Variants in KCNMB2 observed in about 807,000 individuals in gnomAD.
The protein encoded by KCNMB2 is potassium calcium-activated channel subfamily M regulatory beta subunit 2, also known as calcium-activated potassium channel subunit beta-2.
KCNMB2 carries 9 observed loss-of-function variants against 24.5 expected under a neutral mutation model. That is an observed-to-expected ratio of 0.37 (90% confidence interval 0.22 to 0.64). The LOEUF (loss-of-function observed/expected upper bound fraction) is 0.64, where lower values mean the gene tolerates loss of function less well. KCNMB2 is among the 30% of genes least tolerant of loss of function. The pLI is 0.63. For missense variants in KCNMB2, 226 were observed against 284.3 expected (o/e 0.79, Z 1.47); for synonymous variants, 109 against 104.4 (o/e 1.04, Z -0.27).
intron 4 of KCNMB2, among the ~76,000 whole-genome samples, chr3:178,841,036 A>C (rs1715409073): frequency 6.6e-6 from 1 of 152,222 alleles, no homozygotes. Flanking sequence ...AATGCATGTA[A>C]CTGCACATTT....
intron 1 of KCNMB2, among the ~76,000 whole-genome samples, chr3:178,752,896 G>A (rs896225878): frequency 8.5e-5 from 13 of 152,116 alleles, no homozygotes; most frequent in Admixed American, 8.5e-4. Context: ...ATAGTCTTTT[G>A]GGGAAGCAAA....
chr3:178,666,322 C>T (rs1209716296), intron 1 of KCNMB2, among the ~76,000 whole-genome samples: 1 of 151,998 alleles, frequency 6.6e-6, no homozygotes, highest in Non-Finnish European at 1.5e-5. Flanking sequence ...TTTTAGGGAT[C>T]AGTTTAGTGA....
At chr3:178,707,723 AG>A (rs1722325028) in intron 1 of KCNMB2, among the ~76,000 whole-genome samples, 1 of 151,986 alleles carries the variant, frequency 6.6e-6, no homozygotes, top group Non-Finnish European at 1.5e-5. Context: ...ATTAAATGGG[AG>A]CCATTAGACT....
At chr3:178,798,491 T>G (rs561084070) in intron 1 of KCNMB2, among the ~76,000 whole-genome samples, 72 of 152,232 alleles carry the variant, frequency 4.7e-4, no homozygotes, top group Non-Finnish European at 7.8e-4. Context: ...CCATCAATGA[T>G]AGACTGGATA....
chr3:178,640,595 C>CT (rs146608123), intron 1 of KCNMB2, among the ~76,000 whole-genome samples: 1 of 152,116 alleles, frequency 6.6e-6, no homozygotes, highest in Non-Finnish European at 1.5e-5. Context: ...AAATTTTCCT[C>CT]TTTTTTTGTT....
At chr3:178,814,954 T>C (rs186520324) in intron 2 of KCNMB2, among the ~76,000 whole-genome samples, 36 of 152,302 alleles carry the variant, frequency 2.4e-4, no homozygotes, top group Middle Eastern at 3.4e-3. Context: ...TATTTTGCTG[T>C]GCAGAAGCTC....
At chr3:178,757,081 T>G (rs1724082471) in intron 1 of KCNMB2, 1 of 151,272 alleles carries the variant, frequency 6.6e-6, no homozygotes, top group Non-Finnish European at 1.5e-5. Flanking sequence ...CTTGCTTACC[T>G]CTCTTACATT....
intron 1 of KCNMB2, among the ~76,000 whole-genome samples, chr3:178,538,018 T>C (rs141790812): frequency 1.7e-3 from 256 of 152,372 alleles, no homozygotes; most frequent in African/African-American, 5.7e-3. Context: ...TGTTTTCAGC[T>C]AAATACTGCA....
At chr3:178,636,103 G>C (rs1252727962) in intron 1 of KCNMB2, among the ~76,000 whole-genome samples, 1 of 152,162 alleles carries the variant, frequency 6.6e-6, no homozygotes, top group Admixed American at 6.5e-5. Flanking sequence ...TTATGTCCTT[G>C]AAATCTGTGT....
In KCNMB2 at chr3:178,843,378, C is replaced by G. The variant is rs1328615272; in HGVS notation, c.*441C>G. On this transcript the variant is annotated 3_prime_UTR_variant, in exon 5 of 5. Transcript: ENST00000452583. ...TTTTTTTCTTATTCTAAACTGAGCC[C>G]TATAGCAAGTGAAGGGACCAGATTT... The G allele has an allele frequency of 3.7e-6, 1 of 270,926 alleles. No individual in the cohort carries two copies. Among genetic ancestry groups the G allele is most frequent in the East Asian group, 1.0e-4 (1 of 9,588 alleles). The allele number at this position is 270,926 out of a possible 1,614,324, so 16.8% of individuals were successfully genotyped here. A position where few individuals can be genotyped will look rare whatever the true frequency, so the allele number is the denominator to read the frequency against.
chr3:178,670,390 T>C (rs1386746662), intron 1 of KCNMB2, among the ~76,000 whole-genome samples: 1 of 148,048 alleles, frequency 6.8e-6, no homozygotes, highest in Non-Finnish European at 1.5e-5. Context: ...CAAATGATAT[T>C]AAAACAAAAG....
intron 1 of KCNMB2, among the ~76,000 whole-genome samples, chr3:178,561,928 C>T (rs1327675204): frequency 2.6e-5 from 4 of 152,164 alleles, no homozygotes; most frequent in Non-Finnish European, 5.9e-5. Context: ...TTTTCTAGAA[C>T]TTTCTCAATT....
intron 1 of KCNMB2, among the ~76,000 whole-genome samples, chr3:178,770,288 A>C (rs1404603006): frequency 6.6e-6 from 1 of 152,236 alleles, no homozygotes; most frequent in Non-Finnish European, 1.5e-5. Flanking sequence ...ACATGATTGG[A>C]AGATAACATC....
At chr3:178,785,403 T>C (rs1713060898) in intron 1 of KCNMB2, among the ~76,000 whole-genome samples, 1 of 151,910 alleles carries the variant, frequency 6.6e-6, no homozygotes, top group Admixed American at 6.6e-5. Context: ...TAACAATAAT[T>C]GATAATTGCC....
intron 4 of KCNMB2, among the ~76,000 whole-genome samples, chr3:178,839,810 G>A (rs547645377): frequency 1.3e-5 from 2 of 152,286 alleles, no homozygotes; most frequent in South Asian, 4.1e-4. Context: ...CTGACACGTG[G>A]AAATTACGAT....
intron 2 of KCNMB2, among the ~76,000 whole-genome samples, chr3:178,824,142 AC>A (rs1714740242): frequency 6.6e-6 from 1 of 152,102 alleles, no homozygotes; most frequent in African/African-American, 2.4e-5. Flanking sequence ...CTCCCCAAGC[AC>A]CCAGCACTTC....
intron 1 of KCNMB2, among the ~76,000 whole-genome samples, chr3:178,790,120 C>T (rs1021079970): frequency 2.0e-5 from 3 of 151,816 alleles, no homozygotes; most frequent in Non-Finnish European, 4.4e-5. Flanking sequence ...CTATTCCAGG[C>T]CCTTGCTTAT....
At chr3:178,809,471 TTTTTAAATAACTGAGTGA>T (rs1250389657) in intron 2 of KCNMB2, among the ~76,000 whole-genome samples, 1 of 152,232 alleles carries the variant, frequency 6.6e-6, no homozygotes, top group Non-Finnish European at 1.5e-5. Flanking sequence ...AAACTGAGGC[TTTTTAAATAACTGAGTGA>T]TTTTCAATAA....
intron 1 of KCNMB2, among the ~76,000 whole-genome samples, chr3:178,670,569 C>T (rs1691619993): frequency 6.6e-6 from 1 of 152,130 alleles, no homozygotes. Context: ...TGTTCAACTC[C>T]TAAGAGGGCT....
Sources: gnomAD v4.1 joint callset for allele counts (sites outside exome capture counted in the v4.1 genomes callset) on GRCh38, gnomAD v4.1.1 for gene constraint, MANE v1.5 for transcripts, NCBI Gene and HGNC (gene_info 2026-07-23, HGNC 2026-07-21) for gene names.